Variants in DHX16 observed in about 807,000 individuals in gnomAD.
DHX16 encodes the protein pre-mRNA-splicing factor ATP-dependent RNA helicase DHX16.
DHX16 carries 81 observed loss-of-function variants against 131.2 expected under a neutral mutation model. That is an observed-to-expected ratio of 0.62 (90% CI 0.52 to 0.74). The LOEUF is 0.74. Among genes scored for constraint, DHX16 ranks in the 30% least tolerant of loss-of-function variants. The pLI is 0.00. For missense variants in DHX16, 980 were observed against 1,363.1 expected (o/e 0.72, Z 4.43); for synonymous variants, 440 against 520.2 (o/e 0.85, Z 2.10).
intron 4 of DHX16, among the ~76,000 whole-genome samples, chr6:30,669,784 CAAA>C (rs1769367235): frequency 7.1e-6 from 1 of 140,984 alleles, no homozygotes; most frequent in Non-Finnish European, 1.5e-5. Context: ...TCAAGAGTCT[CAAA>C]ATTCTATTGG....
Position 30,665,373 on chromosome 6 carries a change from C to A in DHX16, c.922-99G>T, listed in dbSNP as rs192522914. On this transcript the variant is annotated intron_variant, in intron 5 of 19. Transcript: ENST00000376442. This position sits in a 1 kb window ranked among gnomAD's most constrained non-coding sequence, Gnocchi z 4.8. ...ACCCCCGCCCACTGCCCATTGGGAA[C>A]GGCAAGGCAAGAAAGGGGATGACCC... The A allele has an allele frequency of 1.1e-5, 18 of 1,582,226 alleles. No homozygotes were observed. The highest frequency in any genetic ancestry group is 1.5e-5 in the Non-Finnish European group (17 of 1,164,484).
chr6:30,665,740 T>G lies in DHX16; in HGVS notation c.667-7A>C. The G allele has an allele frequency of 6.2e-7, 1 of 1,607,146 alleles. No individual in the cohort carries two copies. Among genetic ancestry groups the G allele is most frequent in the Non-Finnish European group, 8.5e-7 (1 of 1,179,612 alleles). ...TCTTCCGCAGCTCAGGGACCTGAGT[T>G]GGGAAAGGACAGTCGAATCCTCATC... On this transcript the variant is annotated splice_polypyrimidine_tract_variant and splice_region_variant and intron_variant, in intron 4 of 19. Coordinates refer to ENST00000376442, the MANE Select transcript of DHX16 (RefSeq NM_003587.5). This position sits in a 1 kb window ranked among gnomAD's most constrained non-coding sequence, Gnocchi z 4.8.
chr6:30,672,961 G>A lies in DHX16; in HGVS notation c.-120C>T, dbSNP rs144057215. On this transcript the variant is annotated 5_prime_UTR_variant, in exon 1 of 20. Transcript: ENST00000376442. Reference sequence around the variant, plus strand: ...CAGCTTCGCAAGTCAGCTACCTTGGGACCTCTAGGATCTTCCGACATCCCA... The same window carrying A: ...CAGCTTCGCAAGTCAGCTACCTTGGAACCTCTAGGATCTTCCGACATCCCA... The A allele has an allele frequency of 0.01, 15,964 of 1,553,448 alleles. 107 individuals carry two copies. Among genetic ancestry groups the A allele is most frequent in the Non-Finnish European group, 0.012 (14,135 of 1,147,954 alleles).
At position 30,656,477 on chromosome 6, in the gene DHX16, C is replaced by T; in HGVS notation, c.2344G>A (p.Asp782Asn). 2 of 1,614,050 alleles carry T rather than the reference C, an allele frequency of 1.2e-6. No individual in the cohort carries two copies. Among genetic ancestry groups the T allele is most frequent in the Non-Finnish European group, 1.7e-6 (2 of 1,180,012 alleles). Residue 782 changes from aspartate (D) to asparagine (N), a missense_variant, in exon 15 of 20, where the codon GAC (aspartate) becomes AAC (asparagine). Coordinates refer to ENST00000376442, the MANE Select transcript of DHX16 (RefSeq NM_003587.5). This position sits in a 1 kb window ranked among gnomAD's most constrained non-coding sequence, Gnocchi z 5.1. ...AGCAGTGTCTCATATGGTGGAGGGT[C>T]CAGGAAATCAAAGTGCATTAGGTCA... The part of the protein sequence containing the change: ...IHDLMHFDFL[D>N]PPPYETLLLA...
At chr6:30,664,667 C>T in intron 7 of DHX16, 134 bp downstream of exon 7, 1 of 792,052 alleles carries the variant, frequency 1.3e-6, no homozygotes, top group Non-Finnish European at 2.0e-6. Context: ...ATGGTCTTTA[C>T]TCTCAAGAAT....
In DHX16 at chr6:30,656,762, G is replaced by A; in HGVS notation, c.2149-3C>T. 2 of 1,611,760 alleles carry A rather than the reference G, an allele frequency of 1.2e-6. No homozygotes were observed. Among genetic ancestry groups the A allele is most frequent in the South Asian group, 1.1e-5 (1 of 91,086 alleles). The stretch of plus-strand genomic sequence containing the variant: ...CCAGCTCGCTGATTGGCTGAGGCCT[G>A]GAAAGAAAGGGGAACAGGCTGGCTG... On this transcript the variant is annotated splice_polypyrimidine_tract_variant and splice_region_variant and intron_variant, in intron 13 of 19. Coordinates refer to ENST00000376442, the MANE Select transcript of DHX16 (RefSeq NM_003587.5). The surrounding 1 kb of genome is among the most constrained non-coding windows in gnomAD (Gnocchi z 5.1).
chr6:30,662,196 T>C lies in DHX16; in HGVS notation c.1544+431A>G, dbSNP rs767204094. On this transcript the variant is annotated intron_variant, in intron 9 of 19. Transcript: ENST00000376442. This position sits in a 1 kb window ranked among gnomAD's most constrained non-coding sequence, Gnocchi z 4.7. ...TCTGAGGGTTACTCAGCCATTGGTA[T>C]TGAGTTGGAATCTGTCTCCCTGTAA... 2.0e-5 allele frequency among the ~76,000 whole-genome samples: 3 copies of C among 152,156 alleles called. No homozygotes were observed. The highest frequency in any genetic ancestry group is 2.4e-5 in the African/African-American group (1 of 41,452).
intron 7 of DHX16, 60 bp from the exon 8 acceptor site, chr6:30,663,081 G>T (rs1768674811): frequency 6.8e-6 from 9 of 1,323,802 alleles, no homozygotes; most frequent in Admixed American, 4.4e-5. Flanking sequence ...CCTGGGACCA[G>T]GTACATTTCA....
At chr6:30,661,232 G>A (rs1056741520) in intron 9 of DHX16, among the ~76,000 whole-genome samples, 3 of 152,100 alleles carry the variant, frequency 2.0e-5, no homozygotes, top group Non-Finnish European at 2.9e-5. Flanking sequence ...ACAGGTGCCC[G>A]CCACCACGCC....
At chr6:30,661,147 G>A (rs953495376) in intron 9 of DHX16, among the ~76,000 whole-genome samples, 18 of 143,580 alleles carry the variant, frequency 1.3e-4, no homozygotes, top group Admixed American at 4.1e-4. Flanking sequence ...GCACGATCTC[G>A]GCTCACCGCA....
intron 7 of DHX16, among the ~76,000 whole-genome samples, chr6:30,664,578 G>A (rs980255035): frequency 2.0e-5 from 3 of 151,420 alleles, no homozygotes; most frequent in South Asian, 2.1e-4. Flanking sequence ...ATTTATACAC[G>A]CCCCACTCCA....
Position 30,672,868 on chromosome 6 carries a change from C to T in DHX16, c.-27G>A. 6.2e-7 allele frequency: 1 copy of T among 1,610,944 alleles called. No individual in the cohort carries two copies. Among genetic ancestry groups the T allele is most frequent in the South Asian group, 1.1e-5 (1 of 90,866 alleles). On this transcript the variant is annotated 5_prime_UTR_variant, in exon 1 of 20. Transcript: ENST00000376442. ...GCGACTCACGCTCCCTGCTCCCGGC[C>T]CTGAAGCGTCGGGCAGCCGCGCTCA...
intron 19 of DHX16, 105 bp from the exon 20 acceptor site, chr6:30,653,475 C>T: frequency 2.3e-6 from 3 of 1,324,218 alleles, no homozygotes; most frequent in African/African-American, 1.5e-5. Flanking sequence ...CTCTATTGCC[C>T]AGGCTGGACT....
At position 30,657,102 on chromosome 6, in the gene DHX16, AGG is replaced by A. The variant is rs1162371081; in HGVS notation, c.2008-12_2008-11del. 6.2e-7 allele frequency: 1 copy of A among 1,611,084 alleles called. No individual in the cohort carries two copies. Among genetic ancestry groups the A allele is most frequent in the Non-Finnish European group, 8.5e-7 (1 of 1,178,982 alleles). On this transcript the variant is annotated splice_polypyrimidine_tract_variant and intron_variant, in intron 12 of 19. Coordinates refer to ENST00000376442, the MANE Select transcript of DHX16 (RefSeq NM_003587.5). ...TCGTTGCCACAACCACCTGAGTGATAGGATATGGGGTCACCCAGTGACCCCAC... is the reference window on the plus strand; with the variant it reads ...TCGTTGCCACAACCACCTGAGTGATAATATGGGGTCACCCAGTGACCCCAC...
Position 30,656,441 on chromosome 6 carries a change from C to T in DHX16, c.2380G>A (p.Glu794Lys), listed in dbSNP as rs1767991069. ...PPYETLLLALEQLYALGALNH... is the reference protein window; with the variant it reads ...PPYETLLLALKQLYALGALNH... ...AGGGCTCCCAGAGCATACAGCTGCT[C>T]CAAAGCCAGCAGCAGTGTCTCATAT... Residue 794 changes from glutamate to lysine, a missense_variant, in exon 15 of 20, where the codon GAG becomes AAG. Transcript: ENST00000376442. This position sits in a 1 kb window ranked among gnomAD's most constrained non-coding sequence, Gnocchi z 5.1. 6.2e-7 allele frequency: 1 copy of T among 1,614,014 alleles called. No individual in the cohort carries two copies. Among genetic ancestry groups the T allele is most frequent in the Non-Finnish European group, 8.5e-7 (1 of 1,180,026 alleles).
Position 30,654,827 on chromosome 6 carries a change from T to C in DHX16, c.2876A>G (p.Tyr959Cys), listed in dbSNP as rs760826176. The change falls in exon 19 of 20, where the codon TAC (tyrosine) becomes TGC (cysteine). Residue 959 changes from tyrosine to cysteine, a missense_variant. Physicochemically the swap from Tyr to Cys is radical, Grantham distance 194. Around this residue, in one of 3 missense-constraint regions of DHX16, gnomAD observed 214 missense variants for 271.2 expected, o/e 0.79. Coordinates refer to ENST00000376442, the MANE Select transcript of DHX16 (RefSeq NM_003587.5). ...TGTCTGCTGCTGTTTCACTGTGCGG[T>C]AGCCACTCCGAGTCAACCGTGCCGT... ...YHTARLTRSGYRTVKQQQTVF... is the reference protein window; with the variant it reads ...YHTARLTRSGCRTVKQQQTVF... The C allele has an allele frequency of 6.2e-6, 10 of 1,612,930 alleles. No individual in the cohort carries two copies. The highest frequency in any genetic ancestry group is 1.7e-6 in the Non-Finnish European group (2 of 1,180,040).
In DHX16 at chr6:30,660,073, T is replaced by C. The variant is rs1768356625; in HGVS notation, c.1714A>G (p.Ile572Val). 1 of 1,612,682 alleles carries C rather than the reference T, an allele frequency of 6.2e-7. No homozygotes were observed. The highest frequency in any genetic ancestry group is 1.7e-5 in the Admixed American group (1 of 59,980). The change falls in exon 10 of 20, where the codon ATC (isoleucine) becomes GTC (valine). Residue 572 changes from isoleucine (I) to valine (V), a missense_variant. Coordinates refer to ENST00000376442, the MANE Select transcript of DHX16 (RefSeq NM_003587.5). ...TFFDDAPVFR[I>V]PGRRFPVDIF... is the part of the protein sequence containing the mutation. ...TCCACAGGAAACCTGCGTCCGGGGA[T>C]TCGAAACACAGGGGCGTCATCAAAG...
At position 30,659,519 on chromosome 6, in the gene DHX16, C is replaced by T. The variant is rs1455084855; in HGVS notation, c.1960G>A (p.Asp654Asn). 1.2e-6 allele frequency: 2 copies of T among 1,608,366 alleles called. No individual in the cohort carries two copies. Among genetic ancestry groups the T allele is most frequent in the Non-Finnish European group, 1.7e-6 (2 of 1,177,990 alleles). Residue 654 changes from aspartate (D) to asparagine (N), a missense_variant, in exon 12 of 20, where the codon GAC becomes AAC. Physicochemically the swap from Asp to Asn is conservative, Grantham distance 23. This residue lies in a region of DHX16 where 309 missense variants were observed against 537.1 expected (regional missense o/e 0.58). Coordinates refer to ENST00000376442, the MANE Select transcript of DHX16 (RefSeq NM_003587.5). ...GGCTGGAAGATACGGGCCTGCATGT[C>T]AGAGGGCAGATTGGCATAAATGGGC... Reference protein sequence around the residue: ...VLPIYANLPSDMQARIFQPTP... With the variant: ...VLPIYANLPSNMQARIFQPTP...
intron 19 of DHX16, among the ~76,000 whole-genome samples, chr6:30,653,920 G>A (rs1356144471): frequency 6.6e-6 from 1 of 151,492 alleles, no homozygotes; most frequent in African/African-American, 2.4e-5. Context: ...AGGAGTTCGA[G>A]ATCAGCCTGG....
Sources: allele counts gnomAD v4.1 joint callset (sites outside exome capture counted in the v4.1 genomes callset), GRCh38; gene constraint gnomAD v4.1.1; regional missense constraint gnomAD v4.1.1; non-coding constraint Gnocchi (gnomAD v3.1); transcripts MANE v1.5; gene names NCBI Gene and HGNC (gene_info 2026-07-23, HGNC 2026-07-21).